Variants in NEGR1 observed in about 807,000 individuals in gnomAD.
NEGR1 encodes the protein IgLON family member 4.
NEGR1 carries 10 observed loss-of-function variants against 40.9 expected under a neutral mutation model. The ratio of observed to expected loss-of-function variants is 0.24; its 90% confidence interval spans 0.15 to 0.42. The LOEUF (loss-of-function observed/expected upper bound fraction) is 0.42, where lower values mean the gene tolerates loss of function less well. Among genes scored for constraint, NEGR1 ranks in the 10% least tolerant of loss-of-function variants. NEGR1 has a pLI of 1.00. For missense variants in NEGR1, 352 were observed against 438.9 expected, an observed-to-expected ratio of 0.80 and a Z score of 1.77; for synonymous variants, 185 against 166.8, an observed-to-expected ratio of 1.11 and a Z score of -0.84.
intron 1 of NEGR1, among the ~76,000 whole-genome samples, chr1:72,184,514 A>T (rs988697588): frequency 6.6e-6 from 1 of 152,070 alleles, no homozygotes; most frequent in African/African-American, 2.4e-5. Context: ...ACATGAGAGA[A>T]CAGTAAGTGG....
chr1:71,978,932 T>C (rs1646330840), intron 1 of NEGR1, among the ~76,000 whole-genome samples: 2 of 152,002 alleles, frequency 1.3e-5, no homozygotes, highest in Non-Finnish European at 2.9e-5. Context: ...CTAGTCCCAG[T>C]AGCAAAGACA....
chr1:72,025,829 T>TG (rs1432470289), intron 1 of NEGR1, among the ~76,000 whole-genome samples: 2 of 151,922 alleles, frequency 1.3e-5, no homozygotes, highest in Non-Finnish European at 1.5e-5. Context: ...ATGACATAAT[T>TG]GGCCGGGAGC....
chr1:71,796,493 G>A (rs932174413), intron 2 of NEGR1, among the ~76,000 whole-genome samples: 5 of 152,160 alleles, frequency 3.3e-5, no homozygotes, highest in Non-Finnish European at 7.3e-5. Flanking sequence ...AAAATGGAGT[G>A]AGATCAAAAG....
intron 4 of NEGR1, 61 bp from the exon 5 acceptor site, chr1:71,611,207 T>G: frequency 6.9e-7 from 1 of 1,452,676 alleles, no homozygotes; most frequent in Non-Finnish European, 9.6e-7. Flanking sequence ...TCAACAGAAA[T>G]ATGACACACA....
intron 2 of NEGR1, among the ~76,000 whole-genome samples, chr1:71,819,866 G>C (rs1432133322): frequency 6.6e-6 from 1 of 151,932 alleles, no homozygotes; most frequent in Non-Finnish European, 1.5e-5. Flanking sequence ...AGATGAGTAT[G>C]CTCCACACGG....
In NEGR1 at chr1:71,404,163, T is replaced by C. The variant is rs1646262611; in HGVS notation, c.*3283A>G. On this transcript the variant is annotated 3_prime_UTR_variant, in exon 7 of 7. Coordinates refer to ENST00000357731, the MANE Select transcript of NEGR1 (RefSeq NM_173808.3). Reference sequence around the variant, plus strand: ...ATGTAGGGGTATTTATATATATATATATTTTTTTTTTTCCCTGAATTACCT... The same window carrying C: ...ATGTAGGGGTATTTATATATATATACATTTTTTTTTTTCCCTGAATTACCT... The C allele has an allele frequency of 2.7e-5, 4 of 149,248 alleles. No homozygotes were observed. In the South Asian group the frequency reaches 8.4e-4, roughly 32 times the overall value. The allele number at this position is 149,248 out of a possible 1,614,324, so 9.2% of individuals were successfully genotyped here.
At chr1:72,034,928 G>C (rs962462658) in intron 1 of NEGR1, among the ~76,000 whole-genome samples, 3 of 152,074 alleles carry the variant, frequency 2.0e-5, no homozygotes, top group African/African-American at 7.2e-5. Flanking sequence ...AGCTGTACCT[G>C]GAAGCCAGGT....
chr1:71,832,228 C>G (rs1235774026), intron 2 of NEGR1, among the ~76,000 whole-genome samples: 2 of 151,870 alleles, frequency 1.3e-5, no homozygotes. Flanking sequence ...AAAAGATAGC[C>G]TGGAAGAATA....
chr1:71,411,079 T>C (rs565859958), intron 6 of NEGR1, among the ~76,000 whole-genome samples: 1 of 152,204 alleles, frequency 6.6e-6, no homozygotes, highest in Non-Finnish European at 1.5e-5. Flanking sequence ...TTATCTTTGA[T>C]ACTGAACATA....
intron 3 of NEGR1, among the ~76,000 whole-genome samples, chr1:71,725,651 A>G (rs779492746): frequency 1.1e-4 from 17 of 152,146 alleles, no homozygotes; most frequent in Non-Finnish European, 1.5e-5. Flanking sequence ...ACTTATTTCC[A>G]GAATGCATCC....
intron 1 of NEGR1, among the ~76,000 whole-genome samples, chr1:71,952,957 G>GGA (rs1553124636): frequency 1.6e-5 from 2 of 123,828 alleles, no homozygotes; most frequent in Non-Finnish European, 3.5e-5. Flanking sequence ...TACTGCTCAG[G>GGA]AAAAAAAAAA....
intron 3 of NEGR1, among the ~76,000 whole-genome samples, chr1:71,769,367 G>A (rs970174460): frequency 6.6e-6 from 1 of 152,072 alleles, no homozygotes; most frequent in Admixed American, 6.6e-5. Flanking sequence ...GTCATAAAGA[G>A]GCCCCTTAAT....
At chr1:72,012,157 A>G (rs766389304) in intron 1 of NEGR1, among the ~76,000 whole-genome samples, 1 of 152,144 alleles carries the variant, frequency 6.6e-6, no homozygotes, top group Non-Finnish European at 1.5e-5. Flanking sequence ...AGGTGAAGAC[A>G]GTATTTGAGA....
intron 3 of NEGR1, among the ~76,000 whole-genome samples, chr1:71,701,998 T>C (rs972764777): frequency 6.6e-6 from 1 of 152,032 alleles, no homozygotes; most frequent in Non-Finnish European, 1.5e-5. Context: ...AGGGGGTATA[T>C]GGATAGATGA....
chr1:71,485,005 G>T (rs990677682), intron 6 of NEGR1, among the ~76,000 whole-genome samples: 1 of 151,582 alleles, frequency 6.6e-6, no homozygotes, highest in African/African-American at 2.4e-5. Context: ...ATAATTTGAG[G>T]TTTTTTTGGC....
intron 4 of NEGR1, among the ~76,000 whole-genome samples, chr1:71,611,958 C>T (rs1044031746): frequency 2.6e-5 from 4 of 152,188 alleles, no homozygotes; most frequent in African/African-American, 4.8e-5. Flanking sequence ...TGCGGTGGCT[C>T]ACGCCTGTAA....
At chr1:71,784,360 A>G (rs1162201828) in intron 2 of NEGR1, among the ~76,000 whole-genome samples, 1 of 151,606 alleles carries the variant, frequency 6.6e-6, no homozygotes, top group Non-Finnish European at 1.5e-5. Flanking sequence ...TTTTTTTTAA[A>G]GATCCTCAGA....
At chr1:72,154,418 T>C (rs1035086577) in intron 1 of NEGR1, among the ~76,000 whole-genome samples, 14 of 151,964 alleles carry the variant, frequency 9.2e-5, no homozygotes, top group Admixed American at 2.0e-4. Flanking sequence ...AAATTTCTGT[T>C]ATCAGTGTAA....
chr1:71,801,427 G>A (rs1003756239), intron 2 of NEGR1, among the ~76,000 whole-genome samples: 2 of 152,120 alleles, frequency 1.3e-5, no homozygotes, highest in Non-Finnish European at 2.9e-5. Flanking sequence ...AAGATTAGAT[G>A]TACAATTCTC....
Sources: gnomAD v4.1 joint callset for allele counts (sites outside exome capture counted in the v4.1 genomes callset) on GRCh38, gnomAD v4.1.1 for gene constraint, MANE v1.5 for transcripts, NCBI Gene and HGNC (gene_info 2026-07-23, HGNC 2026-07-21) for gene names.